Variants in SLC35F3 observed in about 807,000 individuals in gnomAD.
The protein encoded by SLC35F3 is putative thiamine transporter SLC35F3.
SLC35F3 carries 25 observed loss-of-function variants against 49.9 expected under a neutral mutation model. That is an observed-to-expected ratio of 0.50 (90% CI 0.37 to 0.70). The LOEUF (loss-of-function observed/expected upper bound fraction) is 0.70. Among genes scored for constraint, SLC35F3 ranks in the 30% least tolerant of loss-of-function variants. The pLI is 0.00. For synonymous variants in SLC35F3, 275 were observed against 265.4 expected (o/e 1.04, Z -0.35); for missense variants, 525 against 639.8 (o/e 0.82, Z 1.94).
chr1:234,137,542 C>A (rs1168831592), intron 2 of SLC35F3, among the ~76,000 whole-genome samples: 1 of 152,158 alleles, frequency 6.6e-6, no homozygotes, highest in Non-Finnish European at 1.5e-5. Context: ...TCATGGAACG[C>A]CTCCTCAAGA....
At chr1:234,030,831 C>G (rs1203903898) in intron 2 of SLC35F3, among the ~76,000 whole-genome samples, 1 of 151,740 alleles carries the variant, frequency 6.6e-6, no homozygotes, top group Admixed American at 6.6e-5. Flanking sequence ...TTGGGATAAA[C>G]CAAGAGAAAA....
At chr1:234,091,197 T>C (rs1665038816) in intron 2 of SLC35F3, among the ~76,000 whole-genome samples, 1 of 152,134 alleles carries the variant, frequency 6.6e-6, no homozygotes, top group Admixed American at 6.5e-5. Context: ...TAACTACTGT[T>C]AATAACTATG....
Position 233,904,676 on chromosome 1 carries a change from G to A in SLC35F3, c.-402G>A, listed in dbSNP as rs1317445649. The stretch of plus-strand genomic sequence containing the variant: ...CCCCCGCCTGGCCCCTGTGCGCCCC[G>A]ACCCGACGCCTCCCCGCCCGACCAG... On this transcript the variant is annotated 5_prime_UTR_variant, in exon 1 of 8. Transcript: ENST00000366618. 6.6e-6 allele frequency among the ~76,000 whole-genome samples: 1 copy of A among 151,806 alleles called. No individual in the cohort carries two copies. Among genetic ancestry groups the A allele is most frequent in the East Asian group, 1.9e-4 (1 of 5,146 alleles).
At chr1:234,135,967 G>C (rs1665804870) in intron 2 of SLC35F3, among the ~76,000 whole-genome samples, 1 of 152,202 alleles carries the variant, frequency 6.6e-6, no homozygotes, top group Non-Finnish European at 1.5e-5. Context: ...CATATACCAA[G>C]GGCCGGATCA....
At chr1:233,978,039 C>T (rs1189678342) in intron 2 of SLC35F3, among the ~76,000 whole-genome samples, 1 of 152,210 alleles carries the variant, frequency 6.6e-6, no homozygotes, top group Admixed American at 6.5e-5. Context: ...CGGAAGCTAT[C>T]CCTGCATCCA....
chr1:234,208,038 T>TA (rs974111065), intron 2 of SLC35F3, among the ~76,000 whole-genome samples: 2 of 151,922 alleles, frequency 1.3e-5, no homozygotes, highest in African/African-American at 4.8e-5. Flanking sequence ...AAAAGAAAAA[T>TA]ATACAGCTGG....
intron 2 of SLC35F3, among the ~76,000 whole-genome samples, chr1:234,100,999 T>C (rs1432022120): frequency 4.6e-5 from 7 of 152,106 alleles, no homozygotes; most frequent in Non-Finnish European, 7.4e-5. Context: ...CCTCAACCAC[T>C]TGGGGCTTTT....
At chr1:234,265,024 G>C (rs1667959497) in intron 3 of SLC35F3, among the ~76,000 whole-genome samples, 1 of 152,044 alleles carries the variant, frequency 6.6e-6, no homozygotes, top group Non-Finnish European at 1.5e-5. Context: ...TCAGTCCTTT[G>C]TCCTCTCCTC....
chr1:233,981,944 T>C (rs1663192740), intron 2 of SLC35F3, among the ~76,000 whole-genome samples: 1 of 152,226 alleles, frequency 6.6e-6, no homozygotes, highest in Non-Finnish European at 1.5e-5. Flanking sequence ...TTTGTTGTTG[T>C]TGAGACAGAG....
At chr1:234,074,729 G>A (rs989524693) in intron 2 of SLC35F3, among the ~76,000 whole-genome samples, 3 of 152,372 alleles carry the variant, frequency 2.0e-5, no homozygotes, top group Middle Eastern at 3.4e-3. Context: ...AAAGTAGAGA[G>A]GGTGGAGCGG....
At chr1:234,139,951 T>TAAAATAAAATAAAATAAAATAAAATAAA (rs149058447) in intron 2 of SLC35F3, among the ~76,000 whole-genome samples, 2 of 90,564 alleles carry the variant, frequency 2.2e-5, no homozygotes, top group Non-Finnish European at 4.6e-5. Context: ...CATCTCAAAA[T>TAAAATAAAATAAAATAAAATAAAATAAA]AATAAAATAA....
At chr1:234,016,235 AT>A (rs1384042235) in intron 2 of SLC35F3, among the ~76,000 whole-genome samples, 6 of 152,290 alleles carry the variant, frequency 3.9e-5, no homozygotes, top group African/African-American at 1.2e-4. Context: ...GAAAACAGCC[AT>A]TATGGAAAAC....
chr1:234,053,568 A>G (rs984139476), intron 2 of SLC35F3, among the ~76,000 whole-genome samples: 10 of 152,014 alleles, frequency 6.6e-5, no homozygotes, highest in African/African-American at 2.4e-4. Flanking sequence ...TGAATATAGC[A>G]CACTGTTGGG....
In SLC35F3 at chr1:234,116,956, C is replaced by T. The variant is rs568378166; in HGVS notation, c.284-114461C>T. Among the ~76,000 whole-genome samples the T allele has an allele frequency of 3.3e-5, 5 of 152,268 alleles. No individual in the cohort carries two copies. In the South Asian group the frequency reaches 1.0e-3, roughly 32 times the overall value. On this transcript the variant is annotated intron_variant, in intron 2 of 7. Coordinates refer to ENST00000366618, the MANE Select transcript of SLC35F3 (RefSeq NM_173508.4). The stretch of plus-strand genomic sequence containing the variant: ...CCAGCCCTGGAATCAGCCAAGTCTC[C>T]AAGGAGCAATGGTTTATCTTATGGA...
At position 234,323,073 on chromosome 1, in the gene SLC35F3, G is replaced by C; in HGVS notation, c.1303G>C (p.Gly435Arg). 1 of 1,614,050 alleles carries C rather than the reference G, an allele frequency of 6.2e-7. No individual in the cohort carries two copies. ...CCGGGTCATCGCCATCATCATCATC[G>C]GCCTGGGTTTTCTCCTCCTGCTCCT... ...GVRVIAIIII[G>R]LGFLLLLLPE... is the part of the protein sequence containing the mutation. The change falls in exon 8 of 8, where the codon GGC (glycine) becomes CGC (arginine). Residue 435 changes from glycine to arginine, a missense_variant. Transcript: ENST00000366618. This position sits in a 1 kb window ranked among gnomAD's most constrained non-coding sequence, Gnocchi z 4.5.
At chr1:234,163,591 G>C (rs1666262623) in intron 2 of SLC35F3, among the ~76,000 whole-genome samples, 1 of 152,250 alleles carries the variant, frequency 6.6e-6, no homozygotes, top group Non-Finnish European at 1.5e-5. Flanking sequence ...GGGAACTGCA[G>C]ACTGGGGCTG....
At chr1:234,067,623 G>A (rs963017807) in intron 2 of SLC35F3, among the ~76,000 whole-genome samples, 2 of 152,132 alleles carry the variant, frequency 1.3e-5, no homozygotes, top group Non-Finnish European at 2.9e-5. Context: ...AGAAGCTTGG[G>A]TTGTCCTCCT....
chr1:233,923,581 T>G (rs1187720345), intron 2 of SLC35F3, among the ~76,000 whole-genome samples: 1 of 152,224 alleles, frequency 6.6e-6, no homozygotes, highest in Non-Finnish European at 1.5e-5. Flanking sequence ...TATACAATCA[T>G]GTCATCTGCA....
rs1657595218 is a variant in SLC35F3, at chr1:234,320,698, C to T, written c.1237+511C>T. 6.6e-6 allele frequency among the ~76,000 whole-genome samples: 1 copy of T among 152,154 alleles called. No individual in the cohort carries two copies. The highest frequency in any genetic ancestry group is 1.5e-5 in the Non-Finnish European group (1 of 68,038). ...CGTGAACGGCATTTTCCCTGACCTCCGGGAAGACAGGGAGAGAACGCCCTT... is the reference window on the plus strand; with the variant it reads ...CGTGAACGGCATTTTCCCTGACCTCTGGGAAGACAGGGAGAGAACGCCCTT... On this transcript the variant is annotated intron_variant, in intron 7 of 7. Coordinates refer to ENST00000366618, the MANE Select transcript of SLC35F3 (RefSeq NM_173508.4). This position sits in a 1 kb window ranked among gnomAD's most constrained non-coding sequence, Gnocchi z 4.8.
Sources: gnomAD v4.1 joint callset for allele counts (sites outside exome capture counted in the v4.1 genomes callset) on GRCh38, gnomAD v4.1.1 for gene constraint, Gnocchi (gnomAD v3.1) non-coding constraint, MANE v1.5 for transcripts, NCBI Gene and HGNC (gene_info 2026-07-23, HGNC 2026-07-21) for gene names.